CASP2: variants seen among roughly 807,000 people sequenced by gnomAD.
CASP2 encodes the protein caspase-2.
Under a neutral mutation model 54.4 loss-of-function variants are expected in CASP2, and 38 were observed. The ratio of observed to expected loss-of-function variants is 0.70; its 90% CI spans 0.54 to 0.92. The LOEUF is 0.92. Ranked by LOEUF, CASP2 falls within the 40% of genes least tolerant of loss-of-function variation. CASP2 has a pLI of 0.00. For synonymous variants in CASP2, 215 were observed against 216.3 expected (o/e 0.99, Z 0.05); for missense variants, 512 against 579.6 (o/e 0.88, Z 1.20).
chr7:143,295,167 G>A (rs1658087079), intron 6 of CASP2, among the ~76,000 whole-genome samples: 1 of 152,080 alleles, frequency 6.6e-6, no homozygotes, highest in African/African-American at 2.4e-5. Context: ...AGCTGGAACT[G>A]CAGGCGCATG....
intron 1 of CASP2, among the ~76,000 whole-genome samples, chr7:143,289,062 G>C (rs528760272): frequency 6.6e-6 from 1 of 152,332 alleles, no homozygotes; most frequent in Non-Finnish European, 1.5e-5. Context: ...GAACAAGGGG[G>C]TTCCTGTGGC....
Position 143,288,411 on chromosome 7 carries a change from T to A in CASP2, c.-45T>A. 1 of 1,598,080 alleles carries A rather than the reference T, an allele frequency of 6.3e-7. No individual in the cohort carries two copies. Among genetic ancestry groups the A allele is most frequent in the Non-Finnish European group, 8.6e-7 (1 of 1,168,250 alleles). On this transcript the variant is annotated 5_prime_UTR_variant, in exon 1 of 11. An upstream open reading frame in the 5' UTR gains an earlier in-frame stop. Transcript: ENST00000310447. Reference sequence around the variant, plus strand: ...GGGAAGCGACGGCCCCCGGTTTGTTTGGGCTGTGGGCGGTGCGCAGCGGAG... The same window carrying A: ...GGGAAGCGACGGCCCCCGGTTTGTTAGGGCTGTGGGCGGTGCGCAGCGGAG...
intron 8 of CASP2, chr7:143,302,865 T>G (rs946533456): frequency 6.6e-6 from 1 of 152,208 alleles, no homozygotes; most frequent in African/African-American, 2.4e-5. Flanking sequence ...AAGGATCTGC[T>G]CAGGGTATGT....
chr7:143,292,058 G>A lies in CASP2; in HGVS notation c.226-242G>A, dbSNP rs183630513. 8.5e-5 allele frequency among the ~76,000 whole-genome samples: 13 copies of A among 152,128 alleles called. No individual in the cohort carries two copies. In the East Asian group the frequency reaches 2.1e-3, roughly 25 times the overall value. ...CTCCCAAAGTGCTGGGATTACAGGT[G>A]TGAGCCACCACACCCAGCTGGATGT... On this transcript the variant is annotated intron_variant, in intron 2 of 10. Coordinates refer to ENST00000310447, the MANE Select transcript of CASP2 (RefSeq NM_032982.4).
Position 143,307,472 on chromosome 7 carries a change from G to A in CASP2, c.*2401G>A, listed in dbSNP as rs1802094974. ...CTCCTTGAAGACATATCATGTGTGA[G>A]ATAACTTCCTTCACATCTCCCATGG... On this transcript the variant is annotated 3_prime_UTR_variant, in exon 11 of 11. Transcript: ENST00000310447. The A allele has an allele frequency of 6.6e-6, 1 of 152,174 alleles. No homozygotes were observed. The highest frequency in any genetic ancestry group is 2.4e-5 in the African/African-American group (1 of 41,428). The allele number at this position is 152,174 out of a possible 1,614,324, so 9.4% of individuals were successfully genotyped here. A position where few individuals can be genotyped will look rare whatever the true frequency, so the allele number is the denominator to read the frequency against.
intron 7 of CASP2, 76 bp downstream of exon 7, chr7:143,300,127 G>T: frequency 6.2e-7 from 1 of 1,612,034 alleles, no homozygotes; most frequent in Non-Finnish European, 8.5e-7. Context: ...TCAAGTGATG[G>T]CTACTGTTGC....
chr7:143,297,422 G>A (rs941967257), intron 6 of CASP2, among the ~76,000 whole-genome samples: 3 of 151,916 alleles, frequency 2.0e-5, no homozygotes, highest in Non-Finnish European at 4.4e-5. Context: ...CTCGTGATTC[G>A]GTGCCCAGGT....
At position 143,303,878 on chromosome 7, in the gene CASP2, G is replaced by T. The variant is rs561597102; in HGVS notation, c.1062G>T (p.Pro354=). The change falls in exon 9 of 11, where the codon CCG becomes CCT. Residue 354 remains proline, a synonymous_variant. Transcript: ENST00000310447. Reference sequence around the variant, plus strand: ...GTGATGCCGGTAAAGAAAAGTTGCCGAAGATGAGACTGCCCACGCGCTCAG... The same window carrying T: ...GTGATGCCGGTAAAGAAAAGTTGCCTAAGATGAGACTGCCCACGCGCTCAG... ...EESDAGKEKL[P]KMRLPTRSDM... The T allele has an allele frequency of 5.0e-6, 8 of 1,613,078 alleles. No individual in the cohort carries two copies. In the East Asian group the frequency reaches 6.7e-5, roughly 13 times the overall value.
chr7:143,298,618 T>A (rs1442750512), intron 6 of CASP2: 1 of 152,160 alleles, frequency 6.6e-6, no homozygotes, highest in Non-Finnish European at 1.5e-5. Flanking sequence ...GCTATGCTGA[T>A]CAGGTGTCCA....
Position 143,292,366 on chromosome 7 carries a change from G to C in CASP2, c.292G>C (p.Ala98Pro). ...CTTGCTGCCTAAGAGGGGTCCCCAA[G>C]CTTTTGATGCCTTCTGTGAAGCACT... ...LNLLPKRGPQ[A>P]FDAFCEALRE... is the part of the protein sequence containing the mutation. Residue 98 changes from alanine (A) to proline (P), a missense_variant, in exon 3 of 11, where the codon GCT (alanine) becomes CCT (proline). Ala to Pro is a conservative substitution (Grantham distance 27). Transcript: ENST00000310447. 1 of 1,614,188 alleles carries C rather than the reference G, an allele frequency of 6.2e-7. No homozygotes were observed. Among genetic ancestry groups the C allele is most frequent in the Non-Finnish European group, 8.5e-7 (1 of 1,180,032 alleles).
rs569396510 is a variant in CASP2 at position 143,305,068 on chromosome 7, A to G, written c.1356A>G (p.Thr452=). Residue 452 remains threonine, a synonymous_variant, in exon 11 of 11, where the codon ACA becomes ACG. Coordinates refer to ENST00000310447, the MANE Select transcript of CASP2 (RefSeq NM_032982.4). The part of the protein sequence containing the change: ...HLYLFPGHPP[T] ...ACCTGTTCCCAGGACACCCTCCCAC[A>G]TGATGTCACCTCCCCATCATCCACG... 10 of 1,614,054 alleles carry G rather than the reference A, an allele frequency of 6.2e-6. No homozygotes were observed. The East Asian group carries it at 6.7e-5, about 11-fold the overall frequency.
In CASP2 at chr7:143,294,753, C is replaced by A. The variant is rs746911927; in HGVS notation, c.727C>A (p.Leu243Ile). Residue 243 changes from leucine to isoleucine, a missense_variant, in exon 6 of 11, where the codon CTA becomes ATA. By Grantham distance (5) the Leu-to-Ile change is conservative. This residue lies in a region of CASP2 where 417 missense variants were observed against 495.4 expected (regional missense o/e 0.84). Transcript: ENST00000310447. ...FKLLGYDVHV[L>I]CDQTAQEMQE... Reference sequence around the variant, plus strand: ...GCTTTTGGGCTATGACGTCCATGTTCTATGTGACCAGACTGCACAGGTACC... The same window carrying A: ...GCTTTTGGGCTATGACGTCCATGTTATATGTGACCAGACTGCACAGGTACC... 1.1e-5 allele frequency: 18 copies of A among 1,614,026 alleles called. No individual in the cohort carries two copies. The highest frequency in any genetic ancestry group is 1.4e-5 in the Non-Finnish European group (16 of 1,179,998).
intron 1 of CASP2, chr7:143,290,567 T>C (rs377089244): frequency 6.6e-6 from 1 of 152,236 alleles, no homozygotes; most frequent in Non-Finnish European, 1.5e-5. Context: ...AGGATTATTT[T>C]AGTTTATAAG....
chr7:143,302,910 C>T (rs1194829276), intron 8 of CASP2: 1 of 152,088 alleles, frequency 6.6e-6, no homozygotes, highest in East Asian at 1.9e-4. Flanking sequence ...TAAGGATGAT[C>T]TTTTTAAATT....
chr7:143,300,355 T>C, intron 8 of CASP2, 61 bp downstream of exon 8: 1 of 1,606,880 alleles, frequency 6.2e-7, no homozygotes, highest in South Asian at 1.1e-5. Flanking sequence ...CCACCAGCTC[T>C]CACTTTCCTG....
chr7:143,307,503 A>G lies in CASP2; in HGVS notation c.*2432A>G, dbSNP rs1802096213. On this transcript the variant is annotated 3_prime_UTR_variant, in exon 11 of 11. Coordinates refer to ENST00000310447, the MANE Select transcript of CASP2 (RefSeq NM_032982.4). ...TTCCTTCACATCTCCCATGGTCCCTAGCAAAATGCTAGGCCTGTAGTAGTC... is the reference window on the plus strand; with the variant it reads ...TTCCTTCACATCTCCCATGGTCCCTGGCAAAATGCTAGGCCTGTAGTAGTC... 1 of 152,216 alleles carries G rather than the reference A, an allele frequency of 6.6e-6. No individual in the cohort carries two copies. The highest frequency in any genetic ancestry group is 6.5e-5 in the Admixed American group (1 of 15,284). The allele number at this position is 152,216 out of a possible 1,614,324, so 9.4% of individuals were successfully genotyped here.
At chr7:143,300,938 A>G (rs1191595671) in intron 8 of CASP2, 1 of 1,005,248 alleles carries the variant, frequency 9.9e-7, no homozygotes, top group African/African-American at 1.7e-5. Flanking sequence ...TGTGCTTCTC[A>G]TCCTGGAGGA....
intron 6 of CASP2, among the ~76,000 whole-genome samples, chr7:143,297,180 A>G (rs1198996873): frequency 1.3e-5 from 2 of 152,200 alleles, no homozygotes; most frequent in Admixed American, 6.5e-5. Context: ...CCCTAGCCAA[A>G]AATACACTTA....
In CASP2 at chr7:143,305,084, A is replaced by G; in HGVS notation, c.*13A>G. The G allele has an allele frequency of 1.2e-6, 2 of 1,614,152 alleles. No homozygotes were observed. The highest frequency in any genetic ancestry group is 2.7e-5 in the African/African-American group (2 of 75,062). On this transcript the variant is annotated 3_prime_UTR_variant, in exon 11 of 11. Transcript: ENST00000310447. ...CCCTCCCACATGATGTCACCTCCCC[A>G]TCATCCACGCCAAGTGGAAGCCACT...
Sources: gnomAD v4.1 joint callset for allele counts (sites outside exome capture counted in the v4.1 genomes callset) on GRCh38, gnomAD v4.1.1 for gene constraint, gnomAD v4.1.1 regional missense constraint, MANE v1.5 for transcripts, NCBI Gene and HGNC (gene_info 2026-07-23, HGNC 2026-07-21) for gene names.